The following SOBP variants were observed in gnomAD, a reference collection of about 807,000 sequenced individuals.
The protein encoded by SOBP is sine oculis binding protein homolog.
SOBP carries 4 observed loss-of-function variants against 53.6 expected under a neutral mutation model. The observed-to-expected ratio is 0.07, with a 90% CI of 0.04 to 0.17. The LOEUF is 0.17. Among genes scored for constraint, SOBP ranks in the 10% least tolerant of loss-of-function variants. The pLI is 1.00. For synonymous variants in SOBP, 584 were observed against 522.6 expected (o/e 1.12, Z -1.60); for missense variants, 1,088 against 1,204.7 (o/e 0.90, Z 1.43).
chr6:107,528,503 C>T (rs1783729015), intron 3 of SOBP, among the ~76,000 whole-genome samples: 1 of 152,176 alleles, frequency 6.6e-6, no homozygotes, highest in Admixed American at 6.5e-5. Flanking sequence ...GTTTAAGTAG[C>T]ACTTGCTGGT....
chr6:107,521,582 C>G (rs1324475500), intron 3 of SOBP, among the ~76,000 whole-genome samples: 2 of 152,196 alleles, frequency 1.3e-5, no homozygotes, highest in African/African-American at 4.8e-5. Flanking sequence ...TCTAAGGAAT[C>G]CCAAGTGTAT....
chr6:107,620,221 T>G (rs942694990), intron 5 of SOBP, among the ~76,000 whole-genome samples: 1 of 152,158 alleles, frequency 6.6e-6, no homozygotes, highest in Non-Finnish European at 1.5e-5. Flanking sequence ...CGTTAAAGAT[T>G]TGCAGTTCCC....
In SOBP at chr6:107,518,720, A is replaced by G. The variant is rs118151060; in HGVS notation, c.421+12293A>G. 5.3e-5 allele frequency among the ~76,000 whole-genome samples: 8 copies of G among 150,642 alleles called. No homozygotes were observed. In the East Asian group the frequency reaches 1.4e-3, roughly 26 times the overall value. ...TGAAGTTGACTGTGGAACTGTGTGT[A>G]TATCATATGTGCACAATTTAGGAAA... On this transcript the variant is annotated intron_variant, in intron 3 of 6. Coordinates refer to ENST00000317357, the MANE Select transcript of SOBP (RefSeq NM_018013.4).
intron 5 of SOBP, among the ~76,000 whole-genome samples, chr6:107,628,786 G>A (rs1770575971): frequency 6.6e-6 from 1 of 152,200 alleles, no homozygotes; most frequent in South Asian, 2.1e-4. Context: ...CTAGGGCCCT[G>A]CTGGTGGCAG....
intron 6 of SOBP, among the ~76,000 whole-genome samples, chr6:107,637,010 G>A (rs957132547): frequency 1.3e-5 from 2 of 152,074 alleles, no homozygotes; most frequent in African/African-American, 4.8e-5. Flanking sequence ...AGGAGAATAG[G>A]CTAATTAGTT....
At chr6:107,626,354 C>T (rs1228766373) in intron 5 of SOBP, among the ~76,000 whole-genome samples, 1 of 152,238 alleles carries the variant, frequency 6.6e-6, no homozygotes, top group African/African-American at 2.4e-5. Flanking sequence ...TGTACTAAGT[C>T]TCTCCTGCCC....
chr6:107,507,992 T>C (rs1783046521), intron 3 of SOBP, among the ~76,000 whole-genome samples: 1 of 152,204 alleles, frequency 6.6e-6, no homozygotes, highest in Non-Finnish European at 1.5e-5. Flanking sequence ...CTGTAAAATG[T>C]TGGAATCATC....
chr6:107,548,258 G>T lies in SOBP; in HGVS notation c.573+14648G>T, dbSNP rs1483174686. Among the ~76,000 whole-genome samples the T allele has an allele frequency of 3.6e-4, 52 of 142,466 alleles. 1 individual carries two copies. Among genetic ancestry groups the T allele is most frequent in the Middle Eastern group, 3.6e-3 (1 of 276 alleles). 93.5% of individuals were successfully genotyped at this position (142,466 alleles called of 152,430 possible). On this transcript the variant is annotated intron_variant, in intron 4 of 6. Transcript: ENST00000317357. ...AATTTTCTTTTTCTGTTTTCTTTTT[G>T]TTTTTTTTTTTTTGAGACAGAGTCT...
Position 107,655,592 on chromosome 6 carries a change from AAT to A in SOBP, c.*4-2613_*4-2612del, listed in dbSNP as rs1270018810. On this transcript the variant is annotated intron_variant, in intron 6 of 6. Coordinates refer to ENST00000317357, the MANE Select transcript of SOBP (RefSeq NM_018013.4). ...GAGCAGCAGGACTAGGGCTGCGAAA[AAT>A]AGAGTGTGGTGCAGCTGCACCCTTC... 3.3e-5 allele frequency among the ~76,000 whole-genome samples: 5 copies of A among 152,296 alleles called. No individual in the cohort carries two copies. The East Asian group carries it at 7.7e-4, about 24-fold the overall frequency.
intron 6 of SOBP, among the ~76,000 whole-genome samples, chr6:107,641,567 C>T (rs1269136140): frequency 6.6e-6 from 1 of 152,084 alleles, no homozygotes; most frequent in African/African-American, 2.4e-5. Flanking sequence ...GCTGCCAATG[C>T]TCCCTAGCTC....
At chr6:107,600,821 C>G (rs1786151960) in intron 5 of SOBP, among the ~76,000 whole-genome samples, 1 of 152,194 alleles carries the variant, frequency 6.6e-6, no homozygotes, top group South Asian at 2.1e-4. Flanking sequence ...AGTCAGCAAG[C>G]TTTTATTGGG....
intron 3 of SOBP, among the ~76,000 whole-genome samples, chr6:107,525,472 G>C (rs894611870): frequency 2.0e-4 from 31 of 152,274 alleles, no homozygotes; most frequent in African/African-American, 6.7e-4. Flanking sequence ...GAATAAATGA[G>C]GAAGGGACAT....
At chr6:107,590,027 G>A (rs972686931) in intron 5 of SOBP, among the ~76,000 whole-genome samples, 6 of 152,222 alleles carry the variant, frequency 3.9e-5, no homozygotes, top group African/African-American at 1.4e-4. Flanking sequence ...ACTAGCCCAA[G>A]TCCATTCTTG....
rs762430646 is a variant in SOBP, at chr6:107,634,484, G to A, written c.1640G>A (p.Ser547Asn). Residue 547 changes from serine to asparagine, a missense_variant, in exon 6 of 7, where the codon AGC becomes AAC. Transcript: ENST00000317357. This position sits in a 1 kb window ranked among gnomAD's most constrained non-coding sequence, Gnocchi z 4.5. Reference sequence around the variant, plus strand: ...ATCCCCATCCCTATCCCTCACGTCAGCGACTCCAAGCCCCCCAACGGGTTC... The same window carrying A: ...ATCCCCATCCCTATCCCTCACGTCAACGACTCCAAGCCCCCCAACGGGTTC... ...IPIPIPIPHVSDSKPPNGFSS... is the reference protein window; with the variant it reads ...IPIPIPIPHVNDSKPPNGFSS... The A allele has an allele frequency of 2.5e-6, 4 of 1,611,420 alleles. No homozygotes were observed. Among genetic ancestry groups the A allele is most frequent in the Admixed American group, 3.3e-5 (2 of 60,000 alleles).
chr6:107,600,411 A>T (rs1438830903), intron 5 of SOBP, among the ~76,000 whole-genome samples: 1 of 152,174 alleles, frequency 6.6e-6, no homozygotes, highest in Non-Finnish European at 1.5e-5. Flanking sequence ...ACTTCATTCG[A>T]GTGGTAGCCC....
chr6:107,633,311 G>T (rs771623908), intron 5 of SOBP, among the ~76,000 whole-genome samples: 8 of 152,120 alleles, frequency 5.3e-5, no homozygotes, highest in Non-Finnish European at 8.8e-5. Flanking sequence ...TGTGATAATT[G>T]GTATTCTGAA....
chr6:107,600,662 C>CT (rs1786145655), intron 5 of SOBP, among the ~76,000 whole-genome samples: 1 of 152,214 alleles, frequency 6.6e-6, no homozygotes, highest in African/African-American at 2.4e-5. Flanking sequence ...GCCTTGGAAT[C>CT]AGTTCTCCTT....
rs201183925 is a variant in SOBP, at chr6:107,508,586, G to GAAAAAAAAA, written c.421+2161_421+2169dup. On this transcript the variant is annotated intron_variant, in intron 3 of 6. Transcript: ENST00000317357. ...AGAGTGAGACTCCGTCTCAAAAAAA[G>GAAAAAAAAA]AAAAAAAAAAGTCCTTTCATATTGA... is the stretch of plus-strand genomic sequence containing the variant. Among the ~76,000 whole-genome samples, 925 of 145,934 alleles carry GAAAAAAAAA rather than the reference G, an allele frequency of 6.3e-3. 4 individuals carry two copies. The highest frequency in any genetic ancestry group is 0.022 in the African/African-American group (884 of 39,768).
In SOBP at chr6:107,509,185, G is replaced by A. The variant is rs1345179767; in HGVS notation, c.421+2758G>A. 8.5e-5 allele frequency among the ~76,000 whole-genome samples: 13 copies of A among 152,086 alleles called. 1 individual carries two copies. Among genetic ancestry groups the A allele is most frequent in the South Asian group, 4.2e-4 (2 of 4,816 alleles). On this transcript the variant is annotated intron_variant, in intron 3 of 6. Transcript: ENST00000317357. Reference sequence around the variant, plus strand: ...TGAGGCGGGCGGATCACCTGAGGTCGGGAGTTTGAGACCAGCCTGACCAAC... The same window carrying A: ...TGAGGCGGGCGGATCACCTGAGGTCAGGAGTTTGAGACCAGCCTGACCAAC...
Sources: gnomAD v4.1 joint callset for allele counts (sites outside exome capture counted in the v4.1 genomes callset) on GRCh38, gnomAD v4.1.1 for gene constraint, Gnocchi (gnomAD v3.1) non-coding constraint, MANE v1.5 for transcripts, NCBI Gene and HGNC (gene_info 2026-07-23, HGNC 2026-07-21) for gene names.